HSD17B2: variants seen among roughly 807,000 people sequenced by gnomAD.
HSD17B2 encodes 17-beta-hydroxysteroid dehydrogenase type 2.
A neutral mutation model predicts 26.9 loss-of-function variants in HSD17B2; 32 were observed. The observed-to-expected ratio is 1.19, with a 90% CI of 0.90 to 1.60. HSD17B2 has a LOEUF of 1.60. HSD17B2 is among the 40% of genes most tolerant of loss of function. The pLI, the probability that HSD17B2 is intolerant of heterozygous loss-of-function variation, is 0.00. For synonymous variants in HSD17B2, 246 were observed against 186.7 expected, an observed-to-expected ratio of 1.32 and a Z score of -2.59; for missense variants, 613 against 468.6, an observed-to-expected ratio of 1.31 and a Z score of -2.85.
Position 82,098,442 on chromosome 16 carries a change from G to T in HSD17B2, c.*6G>T, listed in dbSNP as rs767136901. The T allele has an allele frequency of 1.3e-6, 2 of 1,584,392 alleles. No homozygotes were observed. The highest frequency in any genetic ancestry group is 1.7e-6 in the Non-Finnish European group (2 of 1,166,710). ...ACAAGAAAAAGGCCACCTAGGCAAT[G>T]GAAGCCCTCAAAGAAGTCGGAATGT... On this transcript the variant is annotated 3_prime_UTR_variant, in exon 5 of 5. Coordinates refer to ENST00000199936, the MANE Select transcript of HSD17B2 (RefSeq NM_002153.3).
At chr16:82,041,651 C>G (rs1913768671) in intron 1 of HSD17B2, among the ~76,000 whole-genome samples, 1 of 152,232 alleles carries the variant, frequency 6.6e-6, no homozygotes. Flanking sequence ...TACTTTCTTT[C>G]TTTTCATGGC....
chr16:82,091,280 A>G (rs1904686188), intron 4 of HSD17B2: 1 of 537,212 alleles, frequency 1.9e-6, no homozygotes, highest in African/African-American at 1.9e-5. Flanking sequence ...AACCAGGGAG[A>G]GGGGAAAGCA....
chr16:82,046,534 G>A (rs1913934307), intron 1 of HSD17B2, among the ~76,000 whole-genome samples: 1 of 152,102 alleles, frequency 6.6e-6, no homozygotes, highest in African/African-American at 2.4e-5. Flanking sequence ...ACTAGACTGA[G>A]GAACATGGTA....
intron 1 of HSD17B2, among the ~76,000 whole-genome samples, chr16:82,039,900 A>C (rs1046224173): frequency 6.6e-6 from 1 of 152,152 alleles, no homozygotes; most frequent in African/African-American, 2.4e-5. Flanking sequence ...TTCATTCCCA[A>C]AGCGGATCCC....
chr16:82,067,592 T>A (rs1293994445), intron 1 of HSD17B2, among the ~76,000 whole-genome samples: 1 of 152,206 alleles, frequency 6.6e-6, no homozygotes, highest in Non-Finnish European at 1.5e-5. Context: ...AGGCTTGACG[T>A]CTATTCCATG....
chr16:82,084,973 C>T (rs1338256467), intron 3 of HSD17B2, among the ~76,000 whole-genome samples: 1 of 152,238 alleles, frequency 6.6e-6, no homozygotes, highest in Admixed American at 6.5e-5. Flanking sequence ...ATCCTCTTGT[C>T]TTGGCCTCCC....
At chr16:82,077,981 T>C (rs991067578) in intron 3 of HSD17B2, among the ~76,000 whole-genome samples, 3 of 152,138 alleles carry the variant, frequency 2.0e-5, no homozygotes, top group Admixed American at 6.5e-5. Flanking sequence ...TCCAGGACAC[T>C]GGAATTGGCA....
intron 1 of HSD17B2, among the ~76,000 whole-genome samples, chr16:82,064,829 T>G (rs1914533245): frequency 6.6e-6 from 1 of 152,212 alleles, no homozygotes; most frequent in African/African-American, 2.4e-5. Context: ...TAGCTTTGCC[T>G]CTTGTTACTC....
In HSD17B2 at chr16:82,090,906, G is replaced by A. The variant is rs138609645; in HGVS notation, c.669G>A (p.Gly223=). 1.9e-6 allele frequency: 3 copies of A among 1,610,498 alleles called. No individual in the cohort carries two copies. Among genetic ancestry groups the A allele is most frequent in the Non-Finnish European group, 1.7e-6 (2 of 1,178,556 alleles). Residue 223 remains glycine, a synonymous_variant, in exon 4 of 5, where the codon GGG becomes GGA. Transcript: ENST00000199936. ...TTTCTCCCATTATTCCCATAGGAGG[G>A]GCCCCAATGGAAAGGCTGGCATCTT... is the stretch of plus-strand genomic sequence containing the variant. ...RLVNVSSMGG[G]APMERLASYG...
At chr16:82,072,268 G>A (rs965744126) in intron 3 of HSD17B2, among the ~76,000 whole-genome samples, 6 of 152,188 alleles carry the variant, frequency 3.9e-5, no homozygotes, top group Non-Finnish European at 7.4e-5. Context: ...AGGATGGTTA[G>A]GAGCAATGAG....
chr16:82,066,149 C>G (rs1402947502), intron 1 of HSD17B2, among the ~76,000 whole-genome samples: 1 of 152,214 alleles, frequency 6.6e-6, no homozygotes, highest in Non-Finnish European at 1.5e-5. Context: ...TACACTAAGA[C>G]AGGTGTCTAT....
intron 3 of HSD17B2, among the ~76,000 whole-genome samples, chr16:82,085,624 T>C (rs567125357): frequency 6.6e-6 from 1 of 151,610 alleles, no homozygotes; most frequent in East Asian, 1.9e-4. Context: ...AATCAGGAAG[T>C]GTTGGCAATT....
At chr16:82,096,690 T>C (rs1184540268) in intron 4 of HSD17B2, 1 of 152,172 alleles carries the variant, frequency 6.6e-6, no homozygotes, top group Admixed American at 6.5e-5. Context: ...TGAGTGTCTG[T>C]GGCAGCAGCA....
intron 1 of HSD17B2, among the ~76,000 whole-genome samples, chr16:82,042,679 T>C (rs1913799461): frequency 1.3e-5 from 2 of 152,244 alleles, no homozygotes; most frequent in African/African-American, 2.4e-5. Context: ...TGGAGTGCAA[T>C]GGCACGATCT....
chr16:82,062,830 G>A (rs919086749), intron 1 of HSD17B2, among the ~76,000 whole-genome samples: 2 of 152,220 alleles, frequency 1.3e-5, no homozygotes, highest in African/African-American at 4.8e-5. Context: ...GGTTTCCGGA[G>A]TATACAATTA....
chr16:82,077,149 A>T (rs7498701), intron 3 of HSD17B2, among the ~76,000 whole-genome samples: 23 of 151,978 alleles, frequency 1.5e-4, no homozygotes, highest in African/African-American at 3.4e-4. Context: ...CATTCTTCAC[A>T]GAAATAGAAA....
Position 82,056,848 on chromosome 16 carries a change from G to A in HSD17B2, c.266-11322G>A, listed in dbSNP as rs180752184. ...GTGCCTTAGAATCTTATGGACGTAG[G>A]GTTCAAATGGCACCTCTGCTTTTTT... On this transcript the variant is annotated intron_variant, in intron 1 of 4. Transcript: ENST00000199936. Among the ~76,000 whole-genome samples the A allele has an allele frequency of 5.3e-5, 8 of 152,260 alleles. 1 individual carries two copies. The highest frequency in any genetic ancestry group is 3.4e-3 in the Middle Eastern group (1 of 294).
intron 3 of HSD17B2, among the ~76,000 whole-genome samples, chr16:82,072,295 T>C (rs370961962): frequency 2.6e-5 from 4 of 152,360 alleles, no homozygotes; most frequent in South Asian, 4.1e-4. Flanking sequence ...ATTTTAGCTG[T>C]GTGAGAACCC....
intron 1 of HSD17B2, among the ~76,000 whole-genome samples, chr16:82,045,714 C>T (rs1913906569): frequency 6.6e-6 from 1 of 152,216 alleles, no homozygotes; most frequent in African/African-American, 2.4e-5. Flanking sequence ...AGCAGACTTG[C>T]TTTGCAGGTC....
Sources: allele counts gnomAD v4.1 joint callset (sites outside exome capture counted in the v4.1 genomes callset), GRCh38; gene constraint gnomAD v4.1.1; transcripts MANE v1.5; gene names NCBI Gene and HGNC (gene_info 2026-07-23, HGNC 2026-07-21).